CORIN: variants seen among roughly 807,000 people sequenced by gnomAD.
CORIN encodes the protein corin, serine peptidase, also known as atrial natriuretic peptide-converting enzyme.
A neutral mutation model predicts 125.3 loss-of-function variants in CORIN; 117 were observed. The ratio of observed to expected loss-of-function variants is 0.93; its 90% confidence interval spans 0.80 to 1.09. The LOEUF is 1.09. Ranked by LOEUF, CORIN falls within the 50% of genes least tolerant of loss-of-function variation. The pLI, the probability that CORIN is intolerant of heterozygous loss-of-function variation, is 0.00. For synonymous variants in CORIN, 450 were observed against 466.4 expected (o/e 0.96, Z 0.45); for missense variants, 1,253 against 1,306.7 (o/e 0.96, Z 0.63).
intron 4 of CORIN, among the ~76,000 whole-genome samples, chr4:47,748,502 T>A (rs1191846824): frequency 6.6e-6 from 1 of 152,200 alleles, no homozygotes; most frequent in Non-Finnish European, 1.5e-5. Context: ...AATTATTTGT[T>A]CAAACATTTG....
At chr4:47,607,735 AAGG>A (rs749765167) in intron 19 of CORIN, among the ~76,000 whole-genome samples, 1 of 152,166 alleles carries the variant, frequency 6.6e-6, no homozygotes, top group Non-Finnish European at 1.5e-5. Flanking sequence ...AAGCAAAAAG[AAGG>A]AGGACAATTT....
At chr4:47,671,283 G>A (rs1457561194) in intron 10 of CORIN, among the ~76,000 whole-genome samples, 1 of 152,182 alleles carries the variant, frequency 6.6e-6, no homozygotes, top group African/African-American at 2.4e-5. Context: ...GTGAGAGGCT[G>A]TCTCCACCAG....
intron 2 of CORIN, among the ~76,000 whole-genome samples, chr4:47,805,803 C>A (rs1277026917): frequency 6.6e-6 from 1 of 152,060 alleles, no homozygotes; most frequent in Non-Finnish European, 1.5e-5. Flanking sequence ...CTTCTATAAA[C>A]CAGTAAGAAA....
At chr4:47,768,809 G>A (rs1341294026) in intron 3 of CORIN, among the ~76,000 whole-genome samples, 2 of 152,152 alleles carry the variant, frequency 1.3e-5, no homozygotes, top group Non-Finnish European at 2.9e-5. Flanking sequence ...ATTAGGTATA[G>A]AAGAAATGTA....
intron 17 of CORIN, among the ~76,000 whole-genome samples, chr4:47,624,705 A>G (rs960400964): frequency 1.3e-5 from 2 of 152,184 alleles, no homozygotes; most frequent in Non-Finnish European, 2.9e-5. Flanking sequence ...GGATCTTTCA[A>G]TGTGATGGCA....
chr4:47,679,855 A>G (rs1355657459), intron 8 of CORIN: 11 of 258,210 alleles, frequency 4.3e-5, no homozygotes, highest in Non-Finnish European at 7.4e-5. Context: ...ACAGAAGCAT[A>G]AAAGAGACAT....
intron 16 of CORIN, 47 bp downstream of exon 16, chr4:47,641,873 C>A (rs771105672): frequency 4.5e-5 from 72 of 1,594,766 alleles, no homozygotes; most frequent in Non-Finnish European, 6.1e-5. Flanking sequence ...CCAAGTTCCA[C>A]AAAGCCTTCT....
At position 47,623,425 on chromosome 4, in the gene CORIN, A is replaced by G. The variant is rs547085725; in HGVS notation, c.2540+146T>C. The G allele has an allele frequency of 5.0e-6, 4 of 792,574 alleles. No individual in the cohort carries two copies. The Admixed American group carries it at 1.2e-4, about 23-fold the overall frequency. 49.1% of individuals were successfully genotyped at this position (792,574 alleles called of 1,614,324 possible). Reference sequence around the variant, plus strand: ...TAGATGGCAACATCAAGGATAGAAAACTTTAGGAAGATAAAGGCCTGGGAA... The same window carrying G: ...TAGATGGCAACATCAAGGATAGAAAGCTTTAGGAAGATAAAGGCCTGGGAA... On this transcript the variant is annotated intron_variant, in intron 19 of 21. Coordinates refer to ENST00000273857, the MANE Select transcript of CORIN (RefSeq NM_006587.4).
intron 20 of CORIN, among the ~76,000 whole-genome samples, chr4:47,601,732 T>C (rs779711472): frequency 3.4e-4 from 51 of 152,230 alleles, no homozygotes; most frequent in Middle Eastern, 3.4e-3. Flanking sequence ...AACAGATGCA[T>C]AGGAGTGGTG....
chr4:47,691,002 A>C (rs1725740754), intron 6 of CORIN, among the ~76,000 whole-genome samples: 1 of 152,246 alleles, frequency 6.6e-6, no homozygotes, highest in African/African-American at 2.4e-5. Flanking sequence ...TTCATGGGAA[A>C]GGGCCATATC....
In CORIN at chr4:47,763,445, T is replaced by C. The variant is rs141945729; in HGVS notation, c.551A>G (p.Tyr184Cys). 1.3e-5 allele frequency: 21 copies of C among 1,614,052 alleles called. No individual in the cohort carries two copies. Among genetic ancestry groups the C allele is most frequent in the South Asian group, 4.4e-5 (4 of 91,084 alleles). Residue 184 changes from tyrosine (Y) to cysteine (C), a missense_variant, in exon 4 of 22, where the codon TAT becomes TGT. Transcript: ENST00000273857. ...FFTYLHRLSC[Y>C]QHIMLFGCTL... ...ACAGCCAAACAGCATGATATGTTGA[T>C]AGCAACTGAGGCGATGGAGATATGT...
chr4:47,785,043 C>T (rs958473143), intron 3 of CORIN, among the ~76,000 whole-genome samples: 3 of 152,164 alleles, frequency 2.0e-5, no homozygotes, highest in Admixed American at 6.5e-5. Context: ...AAAATAAATA[C>T]GCCATCTCAG....
At chr4:47,609,174 T>C (rs1721773613) in intron 19 of CORIN, among the ~76,000 whole-genome samples, 1 of 152,174 alleles carries the variant, frequency 6.6e-6, no homozygotes, top group East Asian at 1.9e-4. Flanking sequence ...ATCATTGCTG[T>C]TCTACAAATC....
At chr4:47,669,133 G>T (rs1724620951) in intron 10 of CORIN, among the ~76,000 whole-genome samples, 1 of 151,920 alleles carries the variant, frequency 6.6e-6, no homozygotes. Flanking sequence ...CACAGATGAG[G>T]TTTAATAAAG....
At chr4:47,782,067 A>C (rs1023049658) in intron 3 of CORIN, among the ~76,000 whole-genome samples, 4 of 152,136 alleles carry the variant, frequency 2.6e-5, no homozygotes, top group Non-Finnish European at 2.9e-5. Context: ...AGACCGTCAA[A>C]ATGTCTGACG....
chr4:47,835,911 G>A (rs1393307827), intron 1 of CORIN, among the ~76,000 whole-genome samples: 2 of 152,178 alleles, frequency 1.3e-5, no homozygotes, highest in East Asian at 3.8e-4. Context: ...AATTCTTGGT[G>A]TGTCTTTTTA....
At chr4:47,722,406 CT>C (rs1727388521) in intron 5 of CORIN, among the ~76,000 whole-genome samples, 1 of 152,188 alleles carries the variant, frequency 6.6e-6, no homozygotes, top group Non-Finnish European at 1.5e-5. Flanking sequence ...CGCAATGTTC[CT>C]TTTTTTCATC....
chr4:47,730,452 G>A (rs550946009), intron 5 of CORIN, among the ~76,000 whole-genome samples: 48 of 132,704 alleles, frequency 3.6e-4, no homozygotes, highest in East Asian at 2.4e-3. Flanking sequence ...CAGCCTGGGC[G>A]ACAGAGCGAG....
chr4:47,741,080 C>T (rs1728371683), intron 5 of CORIN, among the ~76,000 whole-genome samples: 2 of 151,766 alleles, frequency 1.3e-5, no homozygotes, highest in Admixed American at 6.6e-5. Flanking sequence ...GCATACACAA[C>T]AAAAGAAAAG....
Sources: allele counts gnomAD v4.1 joint callset (sites outside exome capture counted in the v4.1 genomes callset), GRCh38; gene constraint gnomAD v4.1.1; transcripts MANE v1.5; gene names NCBI Gene and HGNC (gene_info 2026-07-23, HGNC 2026-07-21).